The following BBOF1 variants were observed in gnomAD, a reference collection of about 807,000 sequenced individuals.
BBOF1 encodes basal body orientation factor 1, also known as basal body-orientation factor 1.
Under a neutral mutation model 68.0 loss-of-function variants are expected in BBOF1, and 62 were observed. That is an observed-to-expected ratio of 0.91 (90% CI 0.74 to 1.13). The LOEUF is 1.13. Among genes scored for constraint, BBOF1 ranks in the 50% most tolerant of loss-of-function variants. The pLI is 0.00. For missense variants in BBOF1, 534 were observed against 600.1 expected (o/e 0.89, Z 1.15); for synonymous variants, 208 against 198.8 (o/e 1.05, Z -0.39).
Position 74,050,062 on chromosome 14 carries a change from G to A in BBOF1, c.1153G>A (p.Ala385Thr). The change falls in exon 8 of 12, where the codon GCA (alanine) becomes ACA (threonine). Residue 385 changes from alanine (A) to threonine (T), a missense_variant. Physicochemically the swap from Ala to Thr is moderately conservative, Grantham distance 58. Transcript: ENST00000394009. ...LISRKHYKQIAQAAFNLKMRA... is the reference protein window; with the variant it reads ...LISRKHYKQITQAAFNLKMRA... ...TAGCAGGAAGCATTATAAGCAGATAGCACAAGCTGCTTTCAATTTAAAAAT... is the reference window on the plus strand; with the variant it reads ...TAGCAGGAAGCATTATAAGCAGATAACACAAGCTGCTTTCAATTTAAAAAT... The A allele has an allele frequency of 6.2e-7, 1 of 1,614,054 alleles. No individual in the cohort carries two copies. Among genetic ancestry groups the A allele is most frequent in the South Asian group, 1.1e-5 (1 of 91,078 alleles).
At chr14:74,030,937 T>TAGAG (rs1332464664) in intron 3 of BBOF1, among the ~76,000 whole-genome samples, 27 of 146,348 alleles carry the variant, frequency 1.8e-4, no homozygotes, top group East Asian at 1.0e-3. Flanking sequence ...TATATATATA[T>TAGAG]ATAGAGAGAG....
intron 9 of BBOF1, among the ~76,000 whole-genome samples, 194 bp downstream of exon 9, chr14:74,055,879 G>A (rs1321627920): frequency 6.6e-6 from 1 of 152,132 alleles, no homozygotes; most frequent in African/African-American, 2.4e-5. Context: ...GCATGAAAAT[G>A]AAAGATGAGT....
At position 74,029,351 on chromosome 14, in the gene BBOF1, G is replaced by A. The variant is rs2059509308; in HGVS notation, c.351+102G>A. 3 of 710,784 alleles carry A rather than the reference G, an allele frequency of 4.2e-6. No homozygotes were observed. The Admixed American group carries it at 7.3e-5, about 17-fold the overall frequency. 44.0% of individuals were successfully genotyped at this position (710,784 alleles called of 1,614,324 possible). On this transcript the variant is annotated intron_variant, in intron 3 of 11. Coordinates refer to ENST00000394009, the MANE Select transcript of BBOF1 (RefSeq NM_025057.3). ...ATGACAGTGAGTGAGTAAGTTCTCT[G>A]GGCAGGCTAATGACCTTAAAGCTTG... is the stretch of plus-strand genomic sequence containing the variant.
At chr14:74,036,511 T>G in intron 4 of BBOF1, among the ~76,000 whole-genome samples, 1 of 151,968 alleles carries the variant, frequency 6.6e-6, no homozygotes, top group African/African-American at 2.4e-5. Context: ...GGCAAAACCC[T>G]GTCTCTACTA....
intron 3 of BBOF1, among the ~76,000 whole-genome samples, chr14:74,030,316 G>A (rs1257904662): frequency 2.6e-5 from 4 of 151,880 alleles, no homozygotes. Flanking sequence ...AGCCTCCCGA[G>A]TAGCTAAGAC....
intron 9 of BBOF1, 35 bp downstream of exon 9, chr14:74,055,720 G>C (rs998956707): frequency 6.7e-7 from 1 of 1,495,602 alleles, no homozygotes; most frequent in African/African-American, 1.4e-5. Context: ...ATACCAAGTT[G>C]TTATCAAATC....
intron 6 of BBOF1, chr14:74,046,902 A>G (rs2059963253): frequency 1.3e-5 from 2 of 152,020 alleles, no homozygotes; most frequent in Non-Finnish European, 2.9e-5. Flanking sequence ...CGCCCAGCTA[A>G]TTTTTGTATT....
chr14:74,082,851 T>C (rs535793118), exon 13 of BBOF1: 1 of 152,252 alleles, frequency 6.6e-6, no homozygotes, highest in African/African-American at 2.4e-5. Flanking sequence ...GAAATAAAAG[T>C]ACATGGAAAG....
chr14:74,072,759 GA>G lies in BBOF1; in HGVS notation n.1380-5434del, dbSNP rs1352043440. ...TGGTCTTTAGAAATGTTACCACTAG[GA>G]AAGAGACACATAATATCCCTATCTA... On this transcript the variant is annotated intron_variant and non_coding_transcript_variant, in intron 9 of 12. Transcript: ENST00000492026. 3.3e-6 allele frequency: 3 copies of G among 904,418 alleles called. No homozygotes were observed. The East Asian group carries it at 7.9e-5, about 24-fold the overall frequency. 56.0% of individuals were successfully genotyped at this position (904,418 alleles called of 1,614,324 possible). A position where few individuals can be genotyped will look rare whatever the true frequency, so the allele number is the denominator to read the frequency against.
rs1207528681 is a variant in BBOF1 at position 74,040,772 on chromosome 14, A to G, written c.576+127A>G. 3 of 595,308 alleles carry G rather than the reference A, an allele frequency of 5.0e-6. No homozygotes were observed. In the African/African-American group the frequency reaches 5.8e-5, roughly 12 times the overall value. The allele number at this position is 595,308 out of a possible 1,614,324, so 36.9% of individuals were successfully genotyped here. A position where few individuals can be genotyped will look rare whatever the true frequency, so the allele number is the denominator to read the frequency against. On this transcript the variant is annotated intron_variant, in intron 5 of 11. Coordinates refer to ENST00000394009, the MANE Select transcript of BBOF1 (RefSeq NM_025057.3). ...AAGATTAGAAGATTGTTACCAAATT[A>G]TAGCACAATACAATGAGGGAAAATA...
intron 4 of BBOF1, among the ~76,000 whole-genome samples, chr14:74,036,520 T>G (rs2059702784): frequency 2.0e-5 from 3 of 151,854 alleles, no homozygotes; most frequent in Non-Finnish European, 4.4e-5. Flanking sequence ...CTGTCTCTAC[T>G]AAAAAATCCA....
chr14:74,032,747 C>T (rs983400589), intron 3 of BBOF1, among the ~76,000 whole-genome samples: 12 of 152,168 alleles, frequency 7.9e-5, no homozygotes, highest in African/African-American at 2.7e-4. Flanking sequence ...CCGCCTCAGC[C>T]TCCCAAAGTG....
intron 9 of BBOF1, chr14:74,072,065 T>C (rs4646860): frequency 2.6e-6 from 4 of 1,563,052 alleles, no homozygotes; most frequent in Non-Finnish European, 3.5e-6. Flanking sequence ...CTGGAGGAGA[T>C]GCAGTACAAG....
chr14:74,066,947 G>A, downstream of BBOF1: 1 of 1,512,534 alleles, frequency 6.6e-7, no homozygotes, highest in East Asian at 2.3e-5. Context: ...CTGCTGCCAG[G>A]GCTCATGCCT....
rs867760820 is a variant in BBOF1 at position 74,072,054 on chromosome 14, A to G, written n.1380-6142A>G. The G allele has an allele frequency of 4.9e-5, 77 of 1,566,424 alleles. No homozygotes were observed. In the African/African-American group the frequency reaches 8.5e-4, roughly 17 times the overall value. On this transcript the variant is annotated intron_variant and non_coding_transcript_variant, in intron 9 of 12. Coordinates refer to the BBOF1 transcript ENST00000492026. ...TCTGAGGTAGCAAAGGAAGAATAAG[A>G]CTGGAGGAGATGCAGTACAAGGGAG...
Position 74,065,420 on chromosome 14 carries a change from CT to C in BBOF1, c.*723del. 6.7e-7 allele frequency: 1 copy of C among 1,501,480 alleles called. No homozygotes were observed. 93.0% of individuals were successfully genotyped at this position (1,501,480 alleles called of 1,614,324 possible). A position where few individuals can be genotyped will look rare whatever the true frequency, so the allele number is the denominator to read the frequency against. On this transcript the variant is annotated 3_prime_UTR_variant, in exon 12 of 12. Transcript: ENST00000394009. Reference sequence around the variant, plus strand: ...CTTTTTGGATTCTGAGTATTTTATGCTTATTTGGTACTTTCACTTACTACAC... The same window carrying C: ...CTTTTTGGATTCTGAGTATTTTATGCTATTTGGTACTTTCACTTACTACAC...
rs774293221 is a variant in BBOF1, at chr14:74,050,064, ACAAGCTGCTTT to A, written c.1159_1169del (p.Ala387PhefsTer20). 3 of 1,614,012 alleles carry A rather than the reference ACAAGCTGCTTT, an allele frequency of 1.9e-6. No homozygotes were observed. Among genetic ancestry groups the A allele is most frequent in the Admixed American group, 3.3e-5 (2 of 59,980 alleles). On this transcript the variant is annotated frameshift_variant, in exon 8 of 12. Coordinates refer to ENST00000394009, the MANE Select transcript of BBOF1 (RefSeq NM_025057.3). LOFTEE classifies it high-confidence loss of function. ...GCAGGAAGCATTATAAGCAGATAGC[ACAAGCTGCTTT>A]CAATTTAAAAATGAGAGCAGCATGT...
chr14:74,058,578 A>G (rs1369863564), intron 11 of BBOF1: 1 of 150,156 alleles, frequency 6.7e-6, no homozygotes, highest in East Asian at 2.0e-4. Flanking sequence ...TCCACAGGGT[A>G]CACAACATTT....
rs376025173 is a variant in BBOF1, at chr14:74,019,521, G to A, written c.43G>A (p.Gly15Ser). 8.7e-6 allele frequency: 14 copies of A among 1,602,234 alleles called. No homozygotes were observed. Among genetic ancestry groups the A allele is most frequent in the Non-Finnish European group, 1.0e-5 (12 of 1,174,384 alleles). The change falls in exon 1 of 12, where the codon GGC becomes AGC. Residue 15 changes from glycine to serine, a missense_variant. Transcript: ENST00000394009. ...GKDKKKGKSKGKDTKKLIKTD... is the reference protein window; with the variant it reads ...GKDKKKGKSKSKDTKKLIKTD... ...GGACAAAAAGAAAGGCAAGAGCAAAGGCAAAGACACGAAGTAAGGAGAAGC... is the reference window on the plus strand; with the variant it reads ...GGACAAAAAGAAAGGCAAGAGCAAAAGCAAAGACACGAAGTAAGGAGAAGC...
Sources: gnomAD v4.1 joint callset for allele counts (sites outside exome capture counted in the v4.1 genomes callset) on GRCh38, gnomAD v4.1.1 for gene constraint, MANE v1.5 for transcripts, NCBI Gene and HGNC (gene_info 2026-07-23, HGNC 2026-07-21) for gene names.